Variants in GRHL2 observed in about 807,000 individuals in gnomAD.
The protein encoded by GRHL2 is grainyhead-like protein 2 homolog.
GRHL2 carries 21 observed loss-of-function variants against 83.8 expected under a neutral mutation model. The observed-to-expected ratio is 0.25, with a 90% CI of 0.18 to 0.36. The LOEUF is 0.36. GRHL2 is among the 10% of genes least tolerant of loss of function. The pLI is 1.00. For synonymous variants in GRHL2, 280 were observed against 278.9 expected (o/e 1.00, Z -0.04); for missense variants, 623 against 781.8 (o/e 0.80, Z 2.42).
chr8:101,570,245 T>C (rs1460771535), intron 4 of GRHL2, 94 bp from the exon 5 acceptor site: 4 of 1,034,578 alleles, frequency 3.9e-6, no homozygotes, highest in Non-Finnish European at 4.6e-6. Flanking sequence ...TATTTTCTAA[T>C]GAGAGAATAA....
Position 101,570,383 on chromosome 8 carries a change from T to A in GRHL2, c.723T>A (p.Asp241Glu). The A allele has an allele frequency of 6.2e-7, 1 of 1,613,852 alleles. No homozygotes were observed. The highest frequency in any genetic ancestry group is 8.5e-7 in the Non-Finnish European group (1 of 1,179,752). Residue 241 changes from aspartate (D) to glutamate (E), a missense_variant, in exon 5 of 16, where the codon GAT becomes GAA. Coordinates refer to ENST00000646743, the MANE Select transcript of GRHL2 (RefSeq NM_024915.4). Reference sequence around the variant, plus strand: ...TTGGGGCTGAGGAGTACATGTATGATCAGACATCAAGGTGAGTTACCAGGA... The same window carrying A: ...TTGGGGCTGAGGAGTACATGTATGAACAGACATCAAGGTGAGTTACCAGGA... ...ASVGAEEYMYDQTSSGTFQYT... is the reference protein window; with the variant it reads ...ASVGAEEYMYEQTSSGTFQYT...
downstream of GRHL2, among the ~76,000 whole-genome samples, chr8:101,673,291 T>C (rs551340883): frequency 1.8e-4 from 27 of 152,166 alleles, no homozygotes; most frequent in African/African-American, 6.3e-4. Flanking sequence ...ATCTGTGTGC[T>C]GTATTCAGGA....
chr8:101,660,844 T>C (rs922160547), intron 14 of GRHL2, among the ~76,000 whole-genome samples: 8 of 152,210 alleles, frequency 5.3e-5, no homozygotes, highest in Non-Finnish European at 1.2e-4. Flanking sequence ...TTGCCTTCCC[T>C]CCTCTCACTA....
At position 101,558,130 on chromosome 8, in the gene GRHL2, A is replaced by G. The variant is rs571813376; in HGVS notation, c.285-289A>G. Among the ~76,000 whole-genome samples, 5 of 152,126 alleles carry G rather than the reference A, an allele frequency of 3.3e-5. No homozygotes were observed. In the South Asian group the frequency reaches 1.0e-3, roughly 32 times the overall value. ...TCCATCCGCCTTGGCCTCCCAAAGT[A>G]CTGGGATTACAGGCATGAGGCACCG... On this transcript the variant is annotated intron_variant, in intron 3 of 15. Transcript: ENST00000646743.
At chr8:101,679,395 A>G in the GRHL2 span, among the ~76,000 whole-genome samples, 1 of 149,898 alleles carries the variant, frequency 6.7e-6, no homozygotes, top group Admixed American at 6.6e-5. Flanking sequence ...AAAAGAAATG[A>G]GCAAAGCCTC....
chr8:101,653,321 T>TTAAC (rs1464925140), intron 14 of GRHL2, among the ~76,000 whole-genome samples: 1 of 152,166 alleles, frequency 6.6e-6, no homozygotes, highest in Non-Finnish European at 1.5e-5. Flanking sequence ...GGGAAAAACC[T>TTAAC]TAACTTTTAA....
intron 1 of GRHL2, among the ~76,000 whole-genome samples, chr8:101,495,518 T>C (rs1483742163): frequency 2.6e-5 from 4 of 152,238 alleles, no homozygotes; most frequent in Non-Finnish European, 4.4e-5. Context: ...AGATTTAAGA[T>C]CTTTGTCAGC....
chr8:101,532,046 A>G (rs189523267), intron 1 of GRHL2, among the ~76,000 whole-genome samples: 365 of 152,364 alleles, frequency 2.4e-3, no homozygotes, highest in African/African-American at 8.3e-3. Flanking sequence ...GAAGCTATCA[A>G]TATCGTCCTG....
At chr8:101,508,185 T>G (rs1563555499) in intron 1 of GRHL2, among the ~76,000 whole-genome samples, 1 of 152,130 alleles carries the variant, frequency 6.6e-6, no homozygotes, top group Non-Finnish European at 1.5e-5. Context: ...GGTACGCACT[T>G]TTTGAAGACA....
chr8:101,659,576 C>A (rs1813875020), intron 14 of GRHL2, among the ~76,000 whole-genome samples: 1 of 152,176 alleles, frequency 6.6e-6, no homozygotes, highest in South Asian at 2.1e-4. Flanking sequence ...GTCTGGGGTT[C>A]TTTTTCCTTC....
At chr8:101,504,006 A>G (rs1810284604) in intron 1 of GRHL2, among the ~76,000 whole-genome samples, 1 of 152,158 alleles carries the variant, frequency 6.6e-6, no homozygotes, top group Non-Finnish European at 1.5e-5. Context: ...GCATTTATGT[A>G]TTTATGTATG....
intron 13 of GRHL2, 34 bp downstream of exon 13, chr8:101,644,259 G>A (rs1373274177): frequency 6.5e-7 from 1 of 1,538,822 alleles, no homozygotes; most frequent in Admixed American, 1.7e-5. Flanking sequence ...CCTCTCAGAA[G>A]GGATGCGGGG....
intron 7 of GRHL2, among the ~76,000 whole-genome samples, chr8:101,580,783 A>T (rs1017875204): frequency 6.6e-6 from 1 of 152,022 alleles, no homozygotes; most frequent in Non-Finnish European, 1.5e-5. Flanking sequence ...GGCTCACTGC[A>T]GCCTCCGACT....
downstream of GRHL2, among the ~76,000 whole-genome samples, chr8:101,670,704 G>A (rs189191502): frequency 2.3e-4 from 35 of 152,306 alleles, 1 homozygote; most frequent in Middle Eastern, 3.4e-3. Context: ...TGGCAGCCAC[G>A]GTCCTGCTGT....
rs75047939 is a variant in GRHL2, at chr8:101,620,315, C to T, written c.1257+618C>T. Among the ~76,000 whole-genome samples, 707 of 152,174 alleles carry T rather than the reference C, an allele frequency of 4.6e-3. 1 individual carries two copies. Among genetic ancestry groups the T allele is most frequent in the Non-Finnish European group, 6.9e-3 (469 of 68,000 alleles). ...TTTTGGGGGTACACAAACTTTAGTC[C>T]GTAATACATTGTGCTATAAGTTTGA... On this transcript the variant is annotated intron_variant, in intron 9 of 15. Transcript: ENST00000646743.
intron 14 of GRHL2, among the ~76,000 whole-genome samples, chr8:101,650,694 G>C (rs1430167695): frequency 6.6e-6 from 1 of 151,914 alleles, no homozygotes; most frequent in Middle Eastern, 3.4e-3. Flanking sequence ...TTTCTTTGGG[G>C]GGGATGAAAA....
chr8:101,527,588 G>T (rs1810834340), intron 1 of GRHL2, among the ~76,000 whole-genome samples: 1 of 152,116 alleles, frequency 6.6e-6, no homozygotes, highest in South Asian at 2.1e-4. Flanking sequence ...CTTTCTTAGT[G>T]GCATACATTT....
At chr8:101,492,827 C>T (rs768174741) in intron 1 of GRHL2, 38 bp downstream of exon 1, 3 of 1,600,928 alleles carry the variant, frequency 1.9e-6, no homozygotes, top group Non-Finnish European at 2.6e-6. Flanking sequence ...GCTACTACTA[C>T]CACTTTGGGC....
At chr8:101,663,960 G>A (rs902394592) in intron 14 of GRHL2, among the ~76,000 whole-genome samples, 6 of 149,666 alleles carry the variant, frequency 4.0e-5, no homozygotes, top group Admixed American at 1.3e-4. Context: ...TTAACCTTTC[G>A]ACCTTTTTCT....
Sources: gnomAD v4.1 joint callset for allele counts (sites outside exome capture counted in the v4.1 genomes callset) on GRCh38, gnomAD v4.1.1 for gene constraint, MANE v1.5 for transcripts, NCBI Gene and HGNC (gene_info 2026-07-23, HGNC 2026-07-21) for gene names.